Variants in MICAL2 observed in about 807,000 individuals in gnomAD.
The protein encoded by MICAL2 is [F-actin]-monooxygenase MICAL2.
Under a neutral mutation model 127.3 loss-of-function variants are expected in MICAL2, and 77 were observed. The observed-to-expected ratio is 0.60, with a 90% CI of 0.50 to 0.73. MICAL2 has a LOEUF of 0.73. MICAL2 is among the 30% of genes least tolerant of loss of function. The probability of loss-of-function intolerance (pLI) is 0.00; values close to 1 mark genes in which losing one functional copy is unlikely to be tolerated. For missense variants in MICAL2, 1,351 were observed against 1,434.4 expected (o/e 0.94, Z 0.94); for synonymous variants, 570 against 551.1 (o/e 1.03, Z -0.48).
downstream of MICAL2, chr11:12,293,488 G>T: frequency 1.3e-6 from 2 of 1,495,592 alleles, no homozygotes; most frequent in South Asian, 2.8e-5. Flanking sequence ...GTTGTAGATT[G>T]AGATTTGCTT....
At chr11:12,233,103 G>A (rs888302128) in intron 15 of MICAL2, among the ~76,000 whole-genome samples, 23 of 152,302 alleles carry the variant, frequency 1.5e-4, no homozygotes, top group Admixed American at 1.0e-3. Flanking sequence ...ATTCCACTGG[G>A]GGCCTTGGAA....
chr11:12,204,328 G>T lies in MICAL2; in HGVS notation c.343G>T (p.Val115Leu). Residue 115 changes from valine to leucine, a missense_variant, in exon 4 of 28, where the codon GTG (valine) becomes TTG (leucine). By Grantham distance (32) the Val-to-Leu change is conservative. Coordinates refer to ENST00000683283, the MANE Select transcript of MICAL2 (RefSeq NM_001282663.2). ...CTACCTGGGAGCCAAAGTGGTCGTG[G>T]TGGAGAAGAGGGACTCCTTCTCCCG... Reference protein sequence around the residue: ...LAYLGAKVVVVEKRDSFSRNN... With the variant: ...LAYLGAKVVVLEKRDSFSRNN... The T allele has an allele frequency of 6.2e-7, 1 of 1,614,176 alleles. No individual in the cohort carries two copies. Among genetic ancestry groups the T allele is most frequent in the Non-Finnish European group, 8.5e-7 (1 of 1,180,018 alleles).
intron 29 of MICAL2, among the ~76,000 whole-genome samples, chr11:12,319,281 T>G (rs146158167): frequency 6.6e-6 from 1 of 152,264 alleles, no homozygotes; most frequent in Admixed American, 6.5e-5. Context: ...CTTTTTTGCA[T>G]TCAATTACTC....
At position 12,256,976 on chromosome 11, in the gene MICAL2, C is replaced by T. The variant is rs1409761214; in HGVS notation, c.3142+5C>T. On this transcript the variant is annotated splice_donor_5th_base_variant and intron_variant, in intron 24 of 27. Transcript: ENST00000683283. ...ACACCTTTGACTGCGATGAAGGTAA[C>T]CCCAGGGGCCAGGGCAGCACTGGGC... The T allele has an allele frequency of 1.9e-6, 3 of 1,609,996 alleles. No homozygotes were observed. The highest frequency in any genetic ancestry group is 2.2e-5 in the East Asian group (1 of 44,842).
intron 3 of MICAL2, among the ~76,000 whole-genome samples, chr11:12,194,455 A>G (rs550035237): frequency 8.7e-4 from 133 of 152,340 alleles, no homozygotes; most frequent in Non-Finnish European, 1.4e-3. Context: ...CTAAGCAACT[A>G]AAAAAGAGAA....
intron 2 of MICAL2, 171 bp from the exon 3 acceptor site, chr11:12,161,908 A>G (rs1251651951): frequency 3.6e-6 from 2 of 549,322 alleles, no homozygotes; most frequent in Non-Finnish European, 6.4e-6. Context: ...TCGACAGGCC[A>G]AAAGGCACAA....
In MICAL2 at chr11:12,213,343, G is replaced by T. The variant is rs1855754469; in HGVS notation, c.780G>T (p.Val260=). ...GAAACAGCACAGCGGAAGCCAAGGT[G>T]GAAGAGATTAGTGGTGTGGCTTTCA... The part of the protein sequence containing the change: ...INRNSTAEAK[V]EEISGVAFIF... The change falls in exon 7 of 28, where the codon GTG becomes GTT. Residue 260 remains valine (V), a synonymous_variant. Coordinates refer to ENST00000683283, the MANE Select transcript of MICAL2 (RefSeq NM_001282663.2). 6.2e-7 allele frequency: 1 copy of T among 1,613,998 alleles called. No homozygotes were observed. Among genetic ancestry groups the T allele is most frequent in the Non-Finnish European group, 8.5e-7 (1 of 1,179,988 alleles).
At chr11:12,278,511 A>C (rs962664167) in intron 1 of MICAL2, among the ~76,000 whole-genome samples, 3 of 152,220 alleles carry the variant, frequency 2.0e-5, no homozygotes, top group African/African-American at 7.2e-5. Context: ...AATATGGGTT[A>C]TATTGCTGAC....
intron 6 of MICAL2, among the ~76,000 whole-genome samples, chr11:12,210,493 G>T (rs1429001212): frequency 6.6e-6 from 1 of 152,170 alleles, no homozygotes; most frequent in East Asian, 1.9e-4. Flanking sequence ...GGATCTGTGG[G>T]CCGCCTGGCT....
At position 12,241,128 on chromosome 11, in the gene MICAL2, C is replaced by A; in HGVS notation, c.2303C>A (p.Ala768Asp). The A allele has an allele frequency of 6.2e-7, 1 of 1,614,148 alleles. No individual in the cohort carries two copies. Among genetic ancestry groups the A allele is most frequent in the Non-Finnish European group, 8.5e-7 (1 of 1,180,002 alleles). Reference protein sequence around the residue: ...VHSCCPKPEEATPSPSPPLKR... With the variant: ...VHSCCPKPEEDTPSPSPPLKR... ...TCTTGCTGCCCCAAGCCGGAGGAGG[C>A]CACACCCAGCCCATCACCTCCTCTG... is the stretch of plus-strand genomic sequence containing the variant. The change falls in exon 18 of 28, where the codon GCC becomes GAC. Residue 768 changes from alanine (A) to aspartate (D), a missense_variant. By Grantham distance (126) the Ala-to-Asp change is moderately radical. Around this residue, in one of 2 missense-constraint regions of MICAL2, gnomAD observed 752 missense variants for 719.4 expected, o/e 1.05. Coordinates refer to ENST00000683283, the MANE Select transcript of MICAL2 (RefSeq NM_001282663.2).
intron 3 of MICAL2, among the ~76,000 whole-genome samples, chr11:12,178,354 A>G (rs1857064464): frequency 6.6e-6 from 1 of 152,108 alleles, no homozygotes; most frequent in Non-Finnish European, 1.5e-5. Flanking sequence ...ACACAGCCTC[A>G]GGAGGTCCTG....
At chr11:12,184,970 C>T (rs918151619) in intron 3 of MICAL2, among the ~76,000 whole-genome samples, 3 of 150,562 alleles carry the variant, frequency 2.0e-5, no homozygotes, top group African/African-American at 7.4e-5. Context: ...AGGAAAAGGC[C>T]GATGGCCCAA....
chr11:12,155,813 G>C (rs1483922579), intron 2 of MICAL2, among the ~76,000 whole-genome samples: 1 of 152,216 alleles, frequency 6.6e-6, no homozygotes, highest in Admixed American at 6.5e-5. Flanking sequence ...GATGACGTTG[G>C]CTTCCTTCTG....
intron 2 of MICAL2, among the ~76,000 whole-genome samples, chr11:12,148,080 C>A (rs1485147705): frequency 1.3e-5 from 2 of 152,188 alleles, no homozygotes; most frequent in Non-Finnish European, 2.9e-5. Context: ...TCTCAGGGAG[C>A]TTTTCTCAGG....
Position 12,256,837 on chromosome 11 carries a change from A to G in MICAL2, c.3008A>G (p.Tyr1003Cys). 6.2e-7 allele frequency: 1 copy of G among 1,614,078 alleles called. No homozygotes were observed. The highest frequency in any genetic ancestry group is 8.5e-7 in the Non-Finnish European group (1 of 1,179,950). ...AACCTGGGAGGCAGCGACACGTGTT[A>G]CTTCTGTAAGAAACGTGTGTACGTG... ...PLNLGGSDTC[Y>C]FCKKRVYVME... The change falls in exon 24 of 28, where the codon TAC becomes TGC. Residue 1003 changes from tyrosine (Y) to cysteine (C), a missense_variant. By Grantham distance (194) the Tyr-to-Cys change is radical (BLOSUM62 -2). Coordinates refer to ENST00000683283, the MANE Select transcript of MICAL2 (RefSeq NM_001282663.2).
At chr11:12,291,352 A>G (rs1435869272), downstream of MICAL2, among the ~76,000 whole-genome samples, 1 of 152,054 alleles carries the variant, frequency 6.6e-6, no homozygotes, top group Admixed American at 6.6e-5. Context: ...GGAGAGGGAG[A>G]GGAAGACAGT....
intron 3 of MICAL2, among the ~76,000 whole-genome samples, chr11:12,163,095 C>T (rs1474692786): frequency 6.6e-6 from 1 of 152,166 alleles, no homozygotes; most frequent in South Asian, 2.1e-4. Context: ...ATGCATTTCT[C>T]TACCTAGGAC....
intron 6 of MICAL2, among the ~76,000 whole-genome samples, chr11:12,209,921 TG>T (rs946845729): frequency 6.6e-6 from 1 of 152,128 alleles, no homozygotes; most frequent in African/African-American, 2.4e-5. Flanking sequence ...TAAAGTGTCA[TG>T]GGGGAAAAAT....
At chr11:12,307,771 A>G (rs946732136) in intron 29 of MICAL2, among the ~76,000 whole-genome samples, 1 of 152,192 alleles carries the variant, frequency 6.6e-6, no homozygotes, top group African/African-American at 2.4e-5. Context: ...AATTGACCAT[A>G]TATGTGTAGG....
Sources: gnomAD v4.1 joint callset for allele counts (sites outside exome capture counted in the v4.1 genomes callset) on GRCh38, gnomAD v4.1.1 for gene constraint, gnomAD v4.1.1 regional missense constraint, MANE v1.5 for transcripts, NCBI Gene and HGNC (gene_info 2026-07-23, HGNC 2026-07-21) for gene names.